HK1: variants seen among roughly 807,000 people sequenced by gnomAD.
The protein encoded by HK1 is hexokinase-1.
A neutral mutation model predicts 91.6 loss-of-function variants in HK1; 28 were observed. That is an observed-to-expected ratio of 0.31 (90% confidence interval 0.23 to 0.42). HK1 has a LOEUF of 0.42. Ranked by LOEUF, HK1 falls within the 10% of genes least tolerant of loss-of-function variation. The probability of loss-of-function intolerance (pLI) is 1.00; values close to 1 mark genes in which losing one functional copy is unlikely to be tolerated. For missense variants in HK1, 770 were observed against 1,219.8 expected (o/e 0.63, Z 5.49); for synonymous variants, 430 against 468.1 (o/e 0.92, Z 1.05).
chr10:69,280,397 G>A (rs963279986), intron 1 of HK1, among the ~76,000 whole-genome samples: 4 of 152,204 alleles, frequency 2.6e-5, no homozygotes, highest in Admixed American at 6.5e-5. Flanking sequence ...GATTACAGGC[G>A]TGAGCCACCA....
chr10:69,394,395 T>A (rs995932269), intron 15 of HK1, among the ~76,000 whole-genome samples: 4 of 152,254 alleles, frequency 2.6e-5, no homozygotes, highest in African/African-American at 9.6e-5. Context: ...TTCTTGTTCC[T>A]TTAAGACTTA....
chr10:69,302,130 C>A (rs1468572892), intron 5 of HK1, among the ~76,000 whole-genome samples: 4 of 151,594 alleles, frequency 2.6e-5, no homozygotes, highest in African/African-American at 7.3e-5. Context: ...GCCTGTAATC[C>A]CAGCTACTTG....
At chr10:69,314,755 C>A (rs185819196), upstream of HK1, among the ~76,000 whole-genome samples, 487 of 152,288 alleles carry the variant, frequency 3.2e-3, 5 homozygotes, top group African/African-American at 0.011. Flanking sequence ...ACAACCTCCA[C>A]CTCCCAGGTT....
chr10:69,397,009 A>G (rs534171551), intron 16 of HK1, among the ~76,000 whole-genome samples: 10 of 152,332 alleles, frequency 6.6e-5, no homozygotes, highest in Admixed American at 5.9e-4. Flanking sequence ...TTTAAGGCTG[A>G]GTGATATTCC....
intron 8 of HK1, among the ~76,000 whole-genome samples, chr10:69,378,790 C>T (rs1839244279): frequency 6.6e-6 from 1 of 152,114 alleles, no homozygotes; most frequent in Non-Finnish European, 1.5e-5. Context: ...ATTTTTTGGT[C>T]AGGTAGAATT....
At chr10:69,295,499 T>G in intron 3 of HK1, 1 of 707,226 alleles carries the variant, frequency 1.4e-6, no homozygotes, top group Non-Finnish European at 2.6e-6. Flanking sequence ...TAGAATTTGC[T>G]TAGACATTCC....
chr10:69,290,276 A>T (rs1327198898), intron 3 of HK1, among the ~76,000 whole-genome samples: 1 of 152,108 alleles, frequency 6.6e-6, no homozygotes, highest in African/African-American at 2.4e-5. Flanking sequence ...TTGGGTGGCA[A>T]ATTAATTCCT....
At chr10:69,354,395 TG>T (rs1849029621) in intron 2 of HK1, among the ~76,000 whole-genome samples, 1 of 152,066 alleles carries the variant, frequency 6.6e-6, no homozygotes, top group Non-Finnish European at 1.5e-5. Flanking sequence ...CTTACAATCA[TG>T]GTGGAAGGAG....
chr10:69,274,644 T>C (rs906198605), intron 1 of HK1, among the ~76,000 whole-genome samples: 4 of 152,092 alleles, frequency 2.6e-5, no homozygotes, highest in African/African-American at 9.7e-5. Flanking sequence ...CTTGTGTTTA[T>C]TACAGGCCCT....
At chr10:69,328,874 T>G (rs1176358343) in intron 1 of HK1, among the ~76,000 whole-genome samples, 1 of 152,184 alleles carries the variant, frequency 6.6e-6, no homozygotes, top group Non-Finnish European at 1.5e-5. Flanking sequence ...ATTTGCCTCT[T>G]ATGGACATTT....
chr10:69,315,549 G>A (rs921085137), upstream of HK1, among the ~76,000 whole-genome samples: 1 of 152,158 alleles, frequency 6.6e-6, no homozygotes, highest in African/African-American at 2.4e-5. Context: ...GAGGATCCAG[G>A]GAGTAACTGT....
At position 69,386,373 on chromosome 10, in the gene HK1, C is replaced by T. The variant is rs1839630842; in HGVS notation, c.1890C>T (p.Gly630=). 6.2e-7 allele frequency: 1 copy of T among 1,613,926 alleles called. No homozygotes were observed. Among genetic ancestry groups the T allele is most frequent in the Non-Finnish European group, 8.5e-7 (1 of 1,179,874 alleles). Residue 630 remains glycine (G), a synonymous_variant, in exon 13 of 18, where the codon GGC becomes GGT. Transcript: ENST00000359426. ...TKGFKATDCV[G]HDVVTLLRDA... ...GTTTTAAGGCAACAGACTGCGTGGG[C>T]CACGATGTAGTCACCTTACTAAGGG... is the stretch of plus-strand genomic sequence containing the variant.
chr10:69,382,184 T>C (rs1375789184), intron 9 of HK1, among the ~76,000 whole-genome samples: 1 of 151,854 alleles, frequency 6.6e-6, no homozygotes, highest in Non-Finnish European at 1.5e-5. Flanking sequence ...AACCTAGAAG[T>C]TTGAGACCAG....
chr10:69,346,832 T>G (rs558039416), intron 2 of HK1, among the ~76,000 whole-genome samples: 2 of 152,274 alleles, frequency 1.3e-5, no homozygotes, highest in Admixed American at 1.3e-4. Context: ...GTGATTTGGC[T>G]AAATAGAATT....
chr10:69,315,996 T>G, upstream of HK1: 14 of 1,614,162 alleles, frequency 8.7e-6, no homozygotes, highest in Non-Finnish European at 1.0e-5. Flanking sequence ...GTCGAGGTGC[T>G]GAGGCCTGGG....
Position 69,340,779 on chromosome 10 carries a change from G to A in HK1, c.64-3048G>A, listed in dbSNP as rs374357764. Among the ~76,000 whole-genome samples, 4 of 152,172 alleles carry A rather than the reference G, an allele frequency of 2.6e-5. No individual in the cohort carries two copies. The South Asian group carries it at 6.2e-4, about 24-fold the overall frequency. Reference sequence around the variant, plus strand: ...ACAACTCTCATCATGGTTGTAATCAGTAAAGCCGTCCCAAGGCTCGCTGTG... The same window carrying A: ...ACAACTCTCATCATGGTTGTAATCAATAAAGCCGTCCCAAGGCTCGCTGTG... On this transcript the variant is annotated intron_variant, in intron 1 of 17. Transcript: ENST00000359426.
intron 1 of HK1, among the ~76,000 whole-genome samples, chr10:69,321,075 A>G (rs530236260): frequency 6.6e-6 from 1 of 152,148 alleles, no homozygotes; most frequent in Admixed American, 6.5e-5. Flanking sequence ...TTATTTGTCA[A>G]GGAGATTCTT....
chr10:69,369,124 C>T lies in HK1; in HGVS notation c.592-113C>T. On this transcript the variant is annotated intron_variant, in intron 5 of 17. Transcript: ENST00000359426. The surrounding 1 kb of genome is among the most constrained non-coding windows in gnomAD (Gnocchi z 4.4). ...ACCAGCTGTAATGAAACCAGTACCA[C>T]TCACAAAAGCAGGGGTTCTGAAAAC... The T allele has an allele frequency of 1.3e-6, 1 of 770,836 alleles. No homozygotes were observed. Among genetic ancestry groups the T allele is most frequent in the Non-Finnish European group, 2.3e-6 (1 of 432,996 alleles). 47.7% of individuals were successfully genotyped at this position (770,836 alleles called of 1,614,324 possible).
chr10:69,294,016 C>G (rs1010618652), intron 3 of HK1, among the ~76,000 whole-genome samples: 4 of 151,814 alleles, frequency 2.6e-5, no homozygotes, highest in Admixed American at 2.6e-4. Flanking sequence ...CGCCCACCAC[C>G]ACGCCCGGCT....
Sources: allele counts gnomAD v4.1 joint callset (sites outside exome capture counted in the v4.1 genomes callset), GRCh38; gene constraint gnomAD v4.1.1; non-coding constraint Gnocchi (gnomAD v3.1); transcripts MANE v1.5; gene names NCBI Gene and HGNC (gene_info 2026-07-23, HGNC 2026-07-21).